The following NRN1 variants were observed in gnomAD, a reference collection of about 807,000 sequenced individuals.
NRN1 encodes neuritin.
In NRN1, 4 loss-of-function variants were observed where a neutral mutation model predicts 15.0. The ratio of observed to expected loss-of-function variants is 0.27; its 90% CI spans 0.13 to 0.61. The LOEUF is 0.61. NRN1 is among the 20% of genes least tolerant of loss of function. NRN1 has a pLI of 0.87. For missense variants in NRN1, 134 were observed against 181.9 expected, an observed-to-expected ratio of 0.74 and a Z score of 1.51; for synonymous variants, 85 against 79.8, an observed-to-expected ratio of 1.07 and a Z score of -0.35.
rs2151030751 is a variant in NRN1 at position 5,999,218 on chromosome 6, G to A, written c.201-14C>T. On this transcript the variant is annotated splice_polypyrimidine_tract_variant and intron_variant, in intron 2 of 2. Transcript: ENST00000244766. ...TCCTCCCAGTATCTGGTGAGGAACA[G>A]AACAAAACAGAACAAGCAGGTTCAC... 1 of 1,596,006 alleles carries A rather than the reference G, an allele frequency of 6.3e-7. No individual in the cohort carries two copies. The highest frequency in any genetic ancestry group is 8.6e-7 in the Non-Finnish European group (1 of 1,165,368).
In NRN1 at chr6:6,001,733, A is replaced by G. The variant is rs190627193; in HGVS notation, c.200+620T>C. Among the ~76,000 whole-genome samples, 148 of 152,332 alleles carry G rather than the reference A, an allele frequency of 9.7e-4. 2 individuals are homozygous for G. Among genetic ancestry groups the G allele is most frequent in the Admixed American group, 8.5e-3 (130 of 15,298 alleles). On this transcript the variant is annotated intron_variant, in intron 2 of 2. Transcript: ENST00000244766. ...TTTTGGGTAAAGTCACTGGCACACA[A>G]TAAGATAGCGTTTCGGCCTGTCTCC...
At chr6:6,000,767 G>C (rs1757923999) in intron 2 of NRN1, among the ~76,000 whole-genome samples, 1 of 122,100 alleles carries the variant, frequency 8.2e-6, no homozygotes, top group South Asian at 2.8e-4. Flanking sequence ...CCAGATGAGG[G>C]CAGAGTTCTG....
At chr6:6,004,530 G>A (rs1179320514) in intron 1 of NRN1, among the ~76,000 whole-genome samples, 4 of 152,210 alleles carry the variant, frequency 2.6e-5, no homozygotes, top group Non-Finnish European at 5.9e-5. Context: ...CTCTTGTCAC[G>A]TTATCTTCCC....
chr6:6,002,315 C>G (rs1201861158), intron 2 of NRN1, 38 bp downstream of exon 2: 3 of 1,609,580 alleles, frequency 1.9e-6, no homozygotes, highest in African/African-American at 2.7e-5. Flanking sequence ...AGTAGCGCCC[C>G]CAAAACCGAA....
chr6:6,000,115 T>TTTC (rs1757901124), intron 2 of NRN1, among the ~76,000 whole-genome samples: 2 of 152,292 alleles, frequency 1.3e-5, no homozygotes, highest in Middle Eastern at 3.4e-3. Context: ...TTTCAGGATG[T>TTTC]AGCGCCAGCC....
rs1314937948 is a variant in NRN1 at position 5,998,147 on chromosome 6, A to G, written c.*829T>C. ...CTCTTTTATGTCAAAATCTTTTTTT[A>G]GCTATATTTTAGATTAACATTTAAC... On this transcript the variant is annotated 3_prime_UTR_variant, in exon 3 of 3. Coordinates refer to ENST00000244766, the MANE Select transcript of NRN1 (RefSeq NM_016588.3). 1 of 151,148 alleles carries G rather than the reference A, an allele frequency of 6.6e-6. No homozygotes were observed. The highest frequency in any genetic ancestry group is 6.6e-5 in the Admixed American group (1 of 15,168). 9.4% of individuals were successfully genotyped at this position (151,148 alleles called of 1,614,324 possible).
At chr6:6,001,411 G>A (rs1757941885) in intron 2 of NRN1, among the ~76,000 whole-genome samples, 2 of 152,188 alleles carry the variant, frequency 1.3e-5, no homozygotes, top group Non-Finnish European at 2.9e-5. Flanking sequence ...GCAGAGGACA[G>A]GGGTGTTTTC....
At chr6:6,002,930 G>A (rs1434039401) in intron 1 of NRN1, 2 of 398,046 alleles carry the variant, frequency 5.0e-6, no homozygotes, top group African/African-American at 2.1e-5. Context: ...CTTCCATTTT[G>A]AGGTGACAGA....
Position 5,999,006 on chromosome 6 carries a change from C to G in NRN1, c.399G>C (p.Ser133=), listed in dbSNP as rs200526786. The stretch of plus-strand genomic sequence containing the variant: ...AGGAAAGCCAGGTCGCTAAAGCTGC[C>G]GAGAGAGACACCAGGAGCACCGGGA... ...PAFPVLLVSL[S]AALATWLSF The change falls in exon 3 of 3, where the codon TCG becomes TCC. Residue 133 remains serine (S), a synonymous_variant. Transcript: ENST00000244766. 2.5e-6 allele frequency: 4 copies of G among 1,612,802 alleles called. No homozygotes were observed. The highest frequency in any genetic ancestry group is 1.7e-6 in the Non-Finnish European group (2 of 1,179,634).
intron 1 of NRN1, among the ~76,000 whole-genome samples, chr6:6,003,424 C>T (rs1285196786): frequency 1.3e-5 from 2 of 152,196 alleles, no homozygotes; most frequent in African/African-American, 4.8e-5. Flanking sequence ...ACAACCCACC[C>T]GCCCGCCAAA....
Position 5,998,354 on chromosome 6 carries a change from CCA to C in NRN1, c.*620_*621del, listed in dbSNP as rs1757824582. Reference sequence around the variant, plus strand: ...TCTTCTGGAAGCCTTTACTCTTACCCCAGAGATTTCCTCAGCCCCTTCCCTCT... The same window carrying C: ...TCTTCTGGAAGCCTTTACTCTTACCCGAGATTTCCTCAGCCCCTTCCCTCT... On this transcript the variant is annotated 3_prime_UTR_variant, in exon 3 of 3. Transcript: ENST00000244766. 1 of 152,304 alleles carries C rather than the reference CCA, an allele frequency of 6.6e-6. No individual in the cohort carries two copies. The highest frequency in any genetic ancestry group is 6.5e-5 in the Admixed American group (1 of 15,280). The allele number at this position is 152,304 out of a possible 1,614,324, so 9.4% of individuals were successfully genotyped here.
chr6:6,003,890 G>T, intron 1 of NRN1: 1 of 1,230,890 alleles, frequency 8.1e-7, no homozygotes, highest in Non-Finnish European at 1.0e-6. Context: ...CACGACCCTG[G>T]GCGCCGGCCT....
In NRN1 at chr6:5,998,575, A is replaced by AT. The variant is rs564507332; in HGVS notation, c.*400dup. 2.4e-3 allele frequency: 379 copies of AT among 158,324 alleles called. 6 individuals are homozygous for AT. Among genetic ancestry groups the AT allele is most frequent in the Non-Finnish European group, 3.8e-4 (27 of 71,664 alleles). 9.8% of individuals were successfully genotyped at this position (158,324 alleles called of 1,614,324 possible). On this transcript the variant is annotated 3_prime_UTR_variant, in exon 3 of 3. Coordinates refer to ENST00000244766, the MANE Select transcript of NRN1 (RefSeq NM_016588.3). The stretch of plus-strand genomic sequence containing the variant: ...GGCCTTCTCCTCTCCTCGCCTTCCT[A>AT]TTAGGAGGAGCCCATCATTTTTCAT...
At chr6:6,001,350 T>G (rs671950) in intron 2 of NRN1, among the ~76,000 whole-genome samples, 70,984 of 151,938 alleles carry the variant, frequency 0.47, 17,623 homozygotes, top group East Asian at 0.74. Flanking sequence ...AACAGTTATT[T>G]TGGGGGTGGG....
chr6:5,999,840 C>T (rs533955662), intron 2 of NRN1, among the ~76,000 whole-genome samples: 60 of 152,330 alleles, frequency 3.9e-4, no homozygotes, highest in African/African-American at 1.2e-3. Context: ...CTGTTCCCCA[C>T]TTCCTCTTCC....
chr6:6,004,637 C>T (rs1758059960), intron 1 of NRN1, among the ~76,000 whole-genome samples: 1 of 152,190 alleles, frequency 6.6e-6, no homozygotes, highest in Non-Finnish European at 1.5e-5. Context: ...ACTGTGACTC[C>T]TTGGACTCTA....
In NRN1 at chr6:5,999,763, C is replaced by G. The variant is rs931837387; in HGVS notation, c.201-559G>C. 2.0e-5 allele frequency among the ~76,000 whole-genome samples: 3 copies of G among 152,186 alleles called. No individual in the cohort carries two copies. The South Asian group carries it at 6.2e-4, about 32-fold the overall frequency. On this transcript the variant is annotated intron_variant, in intron 2 of 2. Coordinates refer to ENST00000244766, the MANE Select transcript of NRN1 (RefSeq NM_016588.3). ...TCTCTCCCTCCACCTACTACCTCTT[C>G]CTTTTGTTTTCCGTTCTCCTGAATT...
intron 1 of NRN1, among the ~76,000 whole-genome samples, chr6:6,005,610 C>G (rs190461255): frequency 6.6e-6 from 1 of 152,190 alleles, no homozygotes; most frequent in Non-Finnish European, 1.5e-5. Flanking sequence ...TTACCTAAAG[C>G]ACCCCCTCCC....
Position 6,002,453 on chromosome 6 carries a change from C to A in NRN1, c.100G>T (p.Val34Phe). Residue 34 changes from valine to phenylalanine, a missense_variant, in exon 2 of 3, where the codon GTC becomes TTC. By Grantham distance (50) the Val-to-Phe change is conservative. Transcript: ENST00000244766. Reference sequence around the variant, plus strand: ...AAACAGTCCGAAAAGCCCTTGAAGACCGCATCGCACTTGCCCGCTGCTCTC... The same window carrying A: ...AAACAGTCCGAAAAGCCCTTGAAGAACGCATCGCACTTGCCCGCTGCTCTC... ...AVRAAGKCDAVFKGFSDCLLK... is the reference protein window; with the variant it reads ...AVRAAGKCDAFFKGFSDCLLK... 6.2e-7 allele frequency: 1 copy of A among 1,614,206 alleles called. No individual in the cohort carries two copies.
Sources: allele counts gnomAD v4.1 joint callset (sites outside exome capture counted in the v4.1 genomes callset), GRCh38; gene constraint gnomAD v4.1.1; transcripts MANE v1.5; gene names NCBI Gene and HGNC (gene_info 2026-07-23, HGNC 2026-07-21).